The following MYH4 variants were observed in gnomAD, a reference collection of about 807,000 sequenced individuals.
MYH4 encodes myosin heavy chain 4, also known as myosin-4.
Under a neutral mutation model 229.9 loss-of-function variants are expected in MYH4, and 200 were observed. The ratio of observed to expected loss-of-function variants is 0.87; its 90% CI spans 0.78 to 0.98. The LOEUF (loss-of-function observed/expected upper bound fraction) is 0.98, where lower values mean the gene tolerates loss of function less well. Among genes scored for constraint, MYH4 ranks in the 50% least tolerant of loss-of-function variants. The probability of loss-of-function intolerance (pLI) is 0.00; values close to 1 mark genes in which losing one functional copy is unlikely to be tolerated. For synonymous variants in MYH4, 761 were observed against 834.6 expected, an observed-to-expected ratio of 0.91 and a Z score of 1.52; for missense variants, 2,148 against 2,332.6, an observed-to-expected ratio of 0.92 and a Z score of 1.63.
At chr17:10,462,829 G>C in intron 11 of MYH4, 36 bp downstream of exon 11, 1 of 1,535,410 alleles carries the variant, frequency 6.5e-7, no homozygotes, top group East Asian at 2.2e-5. Context: ...ACTGGAAAAT[G>C]AATTTACTTT....
chr17:10,465,580 A>G lies in MYH4; in HGVS notation c.367T>C (p.Cys123Arg). 6.2e-7 allele frequency: 1 copy of G among 1,614,154 alleles called. No individual in the cohort carries two copies. ...CACTTGTAGGGGTTGACGGTGACAC[A>G]GAAGAGGCCCGAGTAGGTCTGTGGG... ...WMIYTYSGLF[C>R]VTVNPYKWLP... is the part of the protein sequence containing the mutation. Residue 123 changes from cysteine to arginine, a missense_variant, in exon 5 of 40, where the codon TGT becomes CGT. Cys to Arg is a radical substitution (Grantham distance 180, BLOSUM62 -3). Transcript: ENST00000255381.
chr17:10,453,356 G>T, intron 23 of MYH4, 28 bp from the exon 24 acceptor site: 1 of 1,613,818 alleles, frequency 6.2e-7, no homozygotes, highest in Non-Finnish European at 8.5e-7. Context: ...TGACCAGAAT[G>T]TCAATGACAA....
At chr17:10,453,934 G>C in intron 22 of MYH4, 49 bp from the exon 23 acceptor site, 3 of 1,602,642 alleles carry the variant, frequency 1.9e-6, no homozygotes, top group Non-Finnish European at 2.6e-6. Flanking sequence ...ATATCTATAA[G>C]CACACAATAA....
intron 25 of MYH4, 55 bp from the exon 26 acceptor site, chr17:10,452,561 T>C (rs2072589562): frequency 1.9e-6 from 3 of 1,549,442 alleles, no homozygotes; most frequent in Non-Finnish European, 2.7e-6. Context: ...AATCTTCTTT[T>C]CTATGTATAA....
chr17:10,465,770 C>CTTTTTTTTTT (rs957442606), intron 4 of MYH4, among the ~76,000 whole-genome samples, 172 bp from the exon 5 acceptor site: 7 of 97,992 alleles, frequency 7.1e-5, no homozygotes, highest in Non-Finnish European at 1.2e-4. Context: ...TTCAGTTTTT[C>CTTTTTTTTTT]TTTTTTTTTT....
In MYH4 at chr17:10,450,649, C is replaced by G. The variant is rs1373040808; in HGVS notation, c.3985G>C (p.Ala1329Pro). The change falls in exon 30 of 40, where the codon GCC (alanine) becomes CCC (proline). Residue 1329 changes from alanine (A) to proline (P), a missense_variant and splice_region_variant. Physicochemically the swap from Ala to Pro is conservative, Grantham distance 27. Transcript: ENST00000255381. ...LKRQLEEETK[A>P]KSTLAHALQS... ...AGGGCATGGGCCAGAGTGCTCTTGG[C>G]CTAGACCAACCAAAAACTATGTGAT... The G allele has an allele frequency of 1.2e-6, 2 of 1,613,692 alleles. No individual in the cohort carries two copies. The highest frequency in any genetic ancestry group is 1.7e-6 in the Non-Finnish European group (2 of 1,179,852).
chr17:10,443,287 G>T, downstream of MYH4: 2 of 1,392,434 alleles, frequency 1.4e-6, no homozygotes, highest in South Asian at 2.7e-5. The surrounding 1 kb of genome is among the most constrained non-coding windows in gnomAD (Gnocchi z 4.6). Context: ...ATTATCTAAA[G>T]ATTTTATTTC....
chr17:10,465,969 T>G (rs1428515174), intron 4 of MYH4, among the ~76,000 whole-genome samples: 1 of 151,004 alleles, frequency 6.6e-6, no homozygotes, highest in Non-Finnish European at 1.5e-5. Flanking sequence ...AGAGACGGGG[T>G]TTCACCGTTT....
Position 10,454,487 on chromosome 17 carries a change from T to A in MYH4, c.2691+68A>T, listed in dbSNP as rs555278096. 4.0e-5 allele frequency: 62 copies of A among 1,554,468 alleles called. No homozygotes were observed. The East Asian group carries it at 1.4e-3, about 35-fold the overall frequency. On this transcript the variant is annotated intron_variant, in intron 22 of 39. Transcript: ENST00000255381. ...CAAACAATCAGAACAAATGTTTCAG[T>A]GGAAACCATTCATTTTAAAACGTTA...
Position 10,448,877 on chromosome 17 carries a change from C to A in MYH4, c.4352G>T (p.Arg1451Ile), listed in dbSNP as rs1301432607. 2 of 1,613,908 alleles carry A rather than the reference C, an allele frequency of 1.2e-6. No homozygotes were observed. The highest frequency in any genetic ancestry group is 2.7e-5 in the African/African-American group (2 of 74,926). The part of the protein sequence containing the change: ...AACIALDKKQ[R>I]NFDKVLAEWK... The stretch of plus-strand genomic sequence containing the variant: ...ACTGTGGACCACCTTGTCAAAGTTT[C>A]TTTGCTTCTTATCGAGAGCTATGCA... The change falls in exon 31 of 40, where the codon AGA becomes ATA. Residue 1451 changes from arginine (R) to isoleucine (I), a missense_variant. By Grantham distance (97) the Arg-to-Ile change is moderately conservative. Coordinates refer to ENST00000255381, the MANE Select transcript of MYH4 (RefSeq NM_017533.2).
At position 10,451,976 on chromosome 17, in the gene MYH4, G is replaced by C. The variant is rs779314674; in HGVS notation, c.3703C>G (p.Leu1235Val). 1 of 1,612,952 alleles carries C rather than the reference G, an allele frequency of 6.2e-7. No homozygotes were observed. Among genetic ancestry groups the C allele is most frequent in the Admixed American group, 1.7e-5 (1 of 59,968 alleles). The change falls in exon 27 of 40, where the codon CTT becomes GTT. Residue 1235 changes from leucine (L) to valine (V), a missense_variant. Leu to Val is a conservative substitution (Grantham distance 32, BLOSUM62 1). Coordinates refer to ENST00000255381, the MANE Select transcript of MYH4 (RefSeq NM_017533.2). ...KSELKMEINDLASNMETVSKA... is the reference protein window; with the variant it reads ...KSELKMEINDVASNMETVSKA... ...GAGACAGTCTCCATGTTACTAGCAA[G>C]GTCATTGATCTCCATCTTCAGCTCA...
At position 10,461,052 on chromosome 17, in the gene MYH4, ACT is replaced by A. The variant is rs1246077618; in HGVS notation, c.1009_1010del (p.Ser337CysfsTer10). The A allele has an allele frequency of 6.2e-7, 1 of 1,613,808 alleles. No homozygotes were observed. The highest frequency in any genetic ancestry group is 1.3e-5 in the African/African-American group (1 of 74,868). On this transcript the variant is annotated frameshift_variant and splice_region_variant, in exon 12 of 40. Transcript: ENST00000255381. LOFTEE classifies it high-confidence loss of function. ...CAGTGAAACCCAGGATGTCCACAGCACTCTGTCAAAAGAGTTGAATTTGCTCA... is the reference window on the plus strand; with the variant it reads ...CAGTGAAACCCAGGATGTCCACAGCACTGTCAAAAGAGTTGAATTTGCTCA... ...DDQEELMATD[S>X]AVDILGFTAD...
chr17:10,444,548 C>T, intron 39 of MYH4, 56 bp downstream of exon 39: 3 of 1,390,470 alleles, frequency 2.2e-6, no homozygotes, highest in Middle Eastern at 1.9e-4. Context: ...AACTTTAGGC[C>T]CCAAAAAACC....
intron 30 of MYH4, 55 bp from the exon 31 acceptor site, chr17:10,449,102 C>T: frequency 2.7e-6 from 4 of 1,501,486 alleles, no homozygotes; most frequent in Non-Finnish European, 3.7e-6. Context: ...CACCACAGTG[C>T]CCTTTATAAA....
intron 35 of MYH4, 27 bp downstream of exon 35, chr17:10,446,986 T>C: frequency 6.2e-7 from 1 of 1,602,842 alleles, no homozygotes; most frequent in African/African-American, 1.3e-5. Flanking sequence ...GGGAGTACAT[T>C]TTCTAAACCA....
intron 20 of MYH4, 42 bp from the exon 21 acceptor site, chr17:10,455,119 G>GA: frequency 6.2e-7 from 1 of 1,613,968 alleles, no homozygotes; most frequent in Non-Finnish European, 8.5e-7. Context: ...CCACTTACAG[G>GA]AAAGTCTAAA....
chr17:10,452,686 T>C, intron 25 of MYH4, 101 bp downstream of exon 25: 1 of 1,387,176 alleles, frequency 7.2e-7, no homozygotes, highest in Non-Finnish European at 9.8e-7. Flanking sequence ...ATTATTTTTT[T>C]CCATATGTCA....
Position 10,454,690 on chromosome 17 carries a change from C to G in MYH4, c.2556G>C (p.Glu852Asp). 1 of 1,614,178 alleles carries G rather than the reference C, an allele frequency of 6.2e-7. No homozygotes were observed. The highest frequency in any genetic ancestry group is 1.1e-5 in the South Asian group (1 of 91,078). ...PLLKSAETEK[E>D]MANMKEEFEK... is the part of the protein sequence containing the mutation. ...CAAATTCTTCCTTCATGTTGGCCATCTCCTTCTCTGTCTCTGCACTCTTGA... is the reference window on the plus strand; with the variant it reads ...CAAATTCTTCCTTCATGTTGGCCATGTCCTTCTCTGTCTCTGCACTCTTGA... The change falls in exon 22 of 40, where the codon GAG (glutamate) becomes GAC (aspartate). Residue 852 changes from glutamate (E) to aspartate (D), a missense_variant. Physicochemically the swap from Glu to Asp is conservative, Grantham distance 45 (BLOSUM62 2). Coordinates refer to ENST00000255381, the MANE Select transcript of MYH4 (RefSeq NM_017533.2).
chr17:10,450,598 G>A lies in MYH4; in HGVS notation c.4036C>T (p.Leu1346=), dbSNP rs1366743162. 3 of 1,614,188 alleles carry A rather than the reference G, an allele frequency of 1.9e-6. No homozygotes were observed. The South Asian group carries it at 3.3e-5, about 18-fold the overall frequency. The part of the protein sequence containing the change: ...ALQSARHDCD[L]LREQYEEEQE... ...TCCTCCTCATACTGTTCCCGCAGCA[G>A]GTCACAGTCATGGCGGGCTGACTGC... Residue 1346 remains leucine, a synonymous_variant, in exon 30 of 40, where the codon CTG becomes TTG. Coordinates refer to ENST00000255381, the MANE Select transcript of MYH4 (RefSeq NM_017533.2).
Sources: gnomAD v4.1 joint callset for allele counts (sites outside exome capture counted in the v4.1 genomes callset) on GRCh38, gnomAD v4.1.1 for gene constraint, Gnocchi (gnomAD v3.1) non-coding constraint, MANE v1.5 for transcripts, NCBI Gene and HGNC (gene_info 2026-07-23, HGNC 2026-07-21) for gene names.